MEI1: variants seen among roughly 807,000 people sequenced by gnomAD.
The protein encoded by MEI1 is meiotic double-stranded break formation protein 1.
Under a neutral mutation model 146.2 loss-of-function variants are expected in MEI1, and 103 were observed. That is an observed-to-expected ratio of 0.70 (90% CI 0.60 to 0.83). The LOEUF is 0.83. MEI1 is among the 40% of genes least tolerant of loss of function. MEI1 has a pLI of 0.00. For missense variants in MEI1, 1,529 were observed against 1,533.0 expected, an observed-to-expected ratio of 1.00 and a Z score of 0.04; for synonymous variants, 652 against 628.2, an observed-to-expected ratio of 1.04 and a Z score of -0.57.
intron 26 of MEI1, among the ~76,000 whole-genome samples, chr22:41,787,781 G>C (rs1177863422): frequency 6.6e-6 from 1 of 152,146 alleles, no homozygotes; most frequent in East Asian, 1.9e-4. Flanking sequence ...TTTGTTGAAT[G>C]GATGAAAACC....
intron 11 of MEI1, 140 bp downstream of exon 11, chr22:41,732,743 C>A: frequency 4.4e-5 from 36 of 811,404 alleles, no homozygotes; most frequent in Non-Finnish European, 5.8e-5. Flanking sequence ...GTGGATTCCA[C>A]ATCCATGGAT....
intron 30 of MEI1, among the ~76,000 whole-genome samples, chr22:41,798,116 A>AACACACACACACAC (rs60766866): frequency 2.9e-5 from 4 of 135,914 alleles, no homozygotes; most frequent in East Asian, 2.4e-4. Flanking sequence ...TCCTCAGCCC[A>AACACACACACACAC]ACACACACAC....
At chr22:41,731,816 T>C (rs2071892283) in intron 9 of MEI1, among the ~76,000 whole-genome samples, 1 of 152,064 alleles carries the variant, frequency 6.6e-6, no homozygotes, top group Non-Finnish European at 1.5e-5. Context: ...AAAGGGAAAT[T>C]TCATTATGAG....
intron 3 of MEI1, among the ~76,000 whole-genome samples, chr22:41,713,391 C>T (rs1601678481): frequency 1.3e-5 from 2 of 151,628 alleles, no homozygotes; most frequent in East Asian, 3.9e-4. Context: ...TGCTTGAGCC[C>T]AGGAGTTCAA....
At chr22:41,721,077 C>G (rs1245375487) in intron 6 of MEI1, among the ~76,000 whole-genome samples, 1 of 149,030 alleles carries the variant, frequency 6.7e-6, no homozygotes, top group Non-Finnish European at 1.5e-5. Flanking sequence ...CTGCGCCCAG[C>G]CTTTTTTTTG....
chr22:41,739,046 G>A (rs558639130), intron 11 of MEI1, among the ~76,000 whole-genome samples: 27 of 151,588 alleles, frequency 1.8e-4, no homozygotes, highest in African/African-American at 6.5e-4. Flanking sequence ...TGTAATTCCA[G>A]CACTTTGGGA....
In MEI1 at chr22:41,752,643, T is replaced by C. The variant is rs762195306; in HGVS notation, c.1845T>C (p.Ser615=). The C allele has an allele frequency of 4.7e-5, 75 of 1,595,208 alleles. No individual in the cohort carries two copies. Among genetic ancestry groups the C allele is most frequent in the Non-Finnish European group, 5.9e-5 (69 of 1,171,038 alleles). The change falls in exon 16 of 31, where the codon AGT becomes AGC. Residue 615 remains serine (S), a synonymous_variant. Transcript: ENST00000401548. ...TGGAGCTGAAGGCCAGGTTTTGCAG[T>C]GGTCTGAGGTATGTGTGGTCCCAGG... ...LTLELKARFC[S]GLSHSALNQV...
chr22:41,788,492 G>A (rs1337695602), intron 26 of MEI1, among the ~76,000 whole-genome samples: 1 of 152,136 alleles, frequency 6.6e-6, no homozygotes, highest in Non-Finnish European at 1.5e-5. Flanking sequence ...CCAGGCTGCA[G>A]TGCAGTGGTA....
intron 6 of MEI1, among the ~76,000 whole-genome samples, chr22:41,718,972 A>T (rs1303574425): frequency 6.8e-6 from 1 of 147,500 alleles, no homozygotes; most frequent in Non-Finnish European, 1.5e-5. Context: ...CCCCGGTTCA[A>T]GTGATTCTTT....
intron 3 of MEI1, among the ~76,000 whole-genome samples, chr22:41,710,712 A>G: frequency 6.6e-6 from 1 of 152,186 alleles, no homozygotes; most frequent in East Asian, 1.9e-4. Flanking sequence ...TGTGCAGAAT[A>G]CCATGATATT....
Position 41,703,373 on chromosome 22 carries a change from C to G in MEI1, c.217C>G (p.Leu73Val), listed in dbSNP as rs1480465192. ...CATGTTGTCCTGCTTCCAAGATGCC[C>G]TTGTGAGGCATACCTCCCTGGTCAC... ...KHMLSCFQDA[L>V]VRHTSLVTQL... is the part of the protein sequence containing the mutation. Residue 73 changes from leucine to valine, a missense_variant, in exon 2 of 31, where the codon CTT (leucine) becomes GTT (valine). Coordinates refer to ENST00000401548, the MANE Select transcript of MEI1 (RefSeq NM_152513.4). 7 of 1,612,194 alleles carry G rather than the reference C, an allele frequency of 4.3e-6. No individual in the cohort carries two copies. Among genetic ancestry groups the G allele is most frequent in the Non-Finnish European group, 5.9e-6 (7 of 1,179,190 alleles).
intron 30 of MEI1, among the ~76,000 whole-genome samples, chr22:41,799,023 T>A (rs2076481394): frequency 1.3e-5 from 2 of 152,158 alleles, no homozygotes; most frequent in South Asian, 4.1e-4. Context: ...TCTGCACCCC[T>A]CTGGCTGCCT....
intron 13 of MEI1, among the ~76,000 whole-genome samples, 153 bp downstream of exon 13, chr22:41,745,217 T>C (rs2147780755): frequency 6.6e-6 from 1 of 152,190 alleles, no homozygotes; most frequent in Admixed American, 6.5e-5. Flanking sequence ...TGGGGGTGTG[T>C]GGAGGAGGCT....
chr22:41,787,555 A>C lies in MEI1; in HGVS notation c.3345+2772A>C, dbSNP rs527385654. ...ATGGGAGCATAATCTTTAATACCTT[A>C]ATCCTGCCCTGATGGCACAGTAGAT... On this transcript the variant is annotated intron_variant, in intron 26 of 30. Transcript: ENST00000401548. Among the ~76,000 whole-genome samples the C allele has an allele frequency of 6.6e-5, 10 of 152,296 alleles. No homozygotes were observed. In the East Asian group the frequency reaches 1.5e-3, roughly 23 times the overall value.
Position 41,766,667 on chromosome 22 carries a change from T to C in MEI1, c.2268+3346T>C, listed in dbSNP as rs143420202. 9.8e-4 allele frequency among the ~76,000 whole-genome samples: 149 copies of C among 152,144 alleles called. 1 individual carries two copies. Among genetic ancestry groups the C allele is most frequent in the African/African-American group, 3.5e-3 (147 of 41,516 alleles). ...GCTCAAGCAATATTCCCACCTCAGC[T>C]TCCTGAGTAGCTGGTACCACAGGCA... On this transcript the variant is annotated intron_variant, in intron 19 of 30. Coordinates refer to ENST00000401548, the MANE Select transcript of MEI1 (RefSeq NM_152513.4).
intron 3 of MEI1, among the ~76,000 whole-genome samples, chr22:41,712,085 T>A (rs1481244979): frequency 7.0e-6 from 1 of 143,596 alleles, no homozygotes. Flanking sequence ...GTGCCTGTAA[T>A]CCCAACTACT....
intron 6 of MEI1, among the ~76,000 whole-genome samples, chr22:41,721,724 T>TC (rs2070833537): frequency 7.0e-6 from 1 of 142,436 alleles, no homozygotes. Flanking sequence ...TACCCCTTTT[T>TC]TTTTTTTTTT....
intron 18 of MEI1, among the ~76,000 whole-genome samples, chr22:41,762,775 A>T (rs890501774): frequency 6.6e-6 from 1 of 151,724 alleles, no homozygotes; most frequent in Non-Finnish European, 1.5e-5. Context: ...TTTGTCATTT[A>T]TGCTTTTGGT....
intron 4 of MEI1, 148 bp downstream of exon 4, chr22:41,714,223 G>A: frequency 1.4e-6 from 1 of 698,270 alleles, no homozygotes; most frequent in Non-Finnish European, 2.4e-6. Flanking sequence ...TCAGAGCTAA[G>A]GCCTGGGTCC....
Sources: gnomAD v4.1 joint callset for allele counts (sites outside exome capture counted in the v4.1 genomes callset) on GRCh38, gnomAD v4.1.1 for gene constraint, MANE v1.5 for transcripts, NCBI Gene and HGNC (gene_info 2026-07-23, HGNC 2026-07-21) for gene names.